PREX2: variants seen among roughly 807,000 people sequenced by gnomAD.
PREX2 encodes the protein phosphatidylinositol 3,4,5-trisphosphate-dependent Rac exchanger 2 protein.
A neutral mutation model predicts 203.2 loss-of-function variants in PREX2; 107 were observed. The observed-to-expected ratio is 0.53, with a 90% confidence interval of 0.45 to 0.62. The LOEUF (loss-of-function observed/expected upper bound fraction) is 0.62. PREX2 is among the 20% of genes least tolerant of loss of function. PREX2 has a pLI of 0.00. For missense variants in PREX2, 1,777 were observed against 1,955.9 expected (o/e 0.91, Z 1.72); for synonymous variants, 672 against 663.6 (o/e 1.01, Z -0.19).
chr8:68,041,694 G>A (rs1486471105), intron 7 of PREX2, among the ~76,000 whole-genome samples: 2 of 152,032 alleles, frequency 1.3e-5, no homozygotes, highest in African/African-American at 4.8e-5. Flanking sequence ...AGGAGAGGTT[G>A]TTATTTTACT....
intron 1 of PREX2, among the ~76,000 whole-genome samples, chr8:67,976,826 A>AGG (rs76790249): frequency 0.29 from 38,139 of 130,418 alleles, 6,075 homozygotes; most frequent in East Asian, 0.52. Flanking sequence ...AGACAGAGAG[A>AGG]GAGAAGCCAA....
rs557338072 is a variant in PREX2 at position 68,134,274 on chromosome 8, T to G, written c.3982T>G (p.Leu1328Val). 1.2e-6 allele frequency: 2 copies of G among 1,613,190 alleles called. No individual in the cohort carries two copies. Among genetic ancestry groups the G allele is most frequent in the Admixed American group, 1.7e-5 (1 of 59,994 alleles). ...FHFQSLLSPN[L>V]TDEQAMLEDT... ...CTTTCAGTCACTTCTGTCACCAAAC[T>G]TGGTAAGGAAATCACATGACTCCCA... Residue 1328 changes from leucine (L) to valine (V), a missense_variant and splice_region_variant, in exon 32 of 40, where the codon TTG becomes GTG. Leu to Val is a conservative substitution (Grantham distance 32, BLOSUM62 1). Coordinates refer to ENST00000288368, the MANE Select transcript of PREX2 (RefSeq NM_024870.4).
chr8:67,995,948 T>G (rs1806751137), intron 1 of PREX2, among the ~76,000 whole-genome samples: 2 of 152,230 alleles, frequency 1.3e-5, no homozygotes, highest in Non-Finnish European at 2.9e-5. Context: ...TCTTCAGCAA[T>G]GCATAAGGGT....
chr8:68,009,193 C>A (rs1031786539), intron 1 of PREX2, among the ~76,000 whole-genome samples: 43 of 152,198 alleles, frequency 2.8e-4, no homozygotes, highest in African/African-American at 1.0e-3. Flanking sequence ...ACACTGCTTA[C>A]ATTTCCTTTT....
chr8:68,025,481 G>A (rs900347848), intron 4 of PREX2, among the ~76,000 whole-genome samples: 2 of 151,988 alleles, frequency 1.3e-5, no homozygotes, highest in Admixed American at 6.6e-5. Context: ...GTGTTTATGT[G>A]TGGGGATGAT....
chr8:68,199,158 A>C (rs1048860978), intron 37 of PREX2, among the ~76,000 whole-genome samples: 6 of 152,108 alleles, frequency 3.9e-5, no homozygotes, highest in African/African-American at 7.2e-5. Context: ...ACCAGCACCC[A>C]GTTCCAGGTG....
intron 1 of PREX2, among the ~76,000 whole-genome samples, chr8:67,998,929 T>C (rs557802002): frequency 6.6e-6 from 1 of 152,332 alleles, no homozygotes; most frequent in East Asian, 1.9e-4. Flanking sequence ...CTTGACACTT[T>C]CTGGAATTTA....
intron 4 of PREX2, among the ~76,000 whole-genome samples, chr8:68,024,206 A>T (rs1363866361): frequency 6.6e-6 from 1 of 152,078 alleles, no homozygotes; most frequent in Admixed American, 6.6e-5. Context: ...TATGAATTAC[A>T]TGCATTGACA....
intron 10 of PREX2, among the ~76,000 whole-genome samples, chr8:68,060,178 T>C (rs966767854): frequency 8.5e-5 from 13 of 152,192 alleles, no homozygotes; most frequent in African/African-American, 2.7e-4. Flanking sequence ...ACCTACCACA[T>C]GGTACATGTG....
chr8:68,045,027 T>C (rs1257911685), intron 8 of PREX2, among the ~76,000 whole-genome samples: 1 of 152,122 alleles, frequency 6.6e-6, no homozygotes, highest in Non-Finnish European at 1.5e-5. Flanking sequence ...TATAGACAGG[T>C]TGTCAATTTT....
intron 37 of PREX2, among the ~76,000 whole-genome samples, chr8:68,216,994 A>C (rs894955675): frequency 6.6e-6 from 1 of 150,940 alleles, no homozygotes; most frequent in Non-Finnish European, 1.5e-5. Context: ...AATGAGAGAG[A>C]GAGAGAGAAG....
intron 38 of PREX2, chr8:68,220,349 C>T (rs1812930679): frequency 6.6e-6 from 1 of 152,120 alleles, no homozygotes; most frequent in African/African-American, 2.4e-5. Flanking sequence ...AAAAGGCTTG[C>T]AGTAGAAACT....
chr8:68,219,434 A>G (rs1372809419), intron 38 of PREX2, among the ~76,000 whole-genome samples: 1 of 152,216 alleles, frequency 6.6e-6, no homozygotes, highest in Admixed American at 6.5e-5. Context: ...TAAGTATAGT[A>G]TAATTTTAAA....
At chr8:68,068,307 G>A (rs996671374) in intron 11 of PREX2, among the ~76,000 whole-genome samples, 5 of 151,996 alleles carry the variant, frequency 3.3e-5, no homozygotes, top group African/African-American at 7.2e-5. Context: ...CATCAGTGAA[G>A]GCATCAGGTC....
At chr8:67,953,443 A>C (rs1275777462) in intron 1 of PREX2, among the ~76,000 whole-genome samples, 1 of 152,170 alleles carries the variant, frequency 6.6e-6, no homozygotes, top group Non-Finnish European at 1.5e-5. Context: ...AAGACAAAGA[A>C]TTTGAGCCTT....
intron 37 of PREX2, among the ~76,000 whole-genome samples, chr8:68,207,677 A>G (rs1004227509): frequency 2.0e-5 from 3 of 152,108 alleles, no homozygotes; most frequent in African/African-American, 7.2e-5. Context: ...AATCCTGAAA[A>G]CAACACTGTG....
intron 37 of PREX2, among the ~76,000 whole-genome samples, chr8:68,212,325 G>C (rs1812756107): frequency 6.6e-6 from 1 of 152,096 alleles, no homozygotes; most frequent in Non-Finnish European, 1.5e-5. Flanking sequence ...ATTCCCACCT[G>C]ATATTATTCA....
chr8:68,212,904 G>A (rs1812766956), intron 37 of PREX2, among the ~76,000 whole-genome samples: 2 of 152,164 alleles, frequency 1.3e-5, no homozygotes, highest in Admixed American at 1.3e-4. Context: ...ATAAATTTGA[G>A]AGAATATGCC....
At chr8:68,159,298 T>A (rs1811607632) in intron 35 of PREX2, among the ~76,000 whole-genome samples, 1 of 152,198 alleles carries the variant, frequency 6.6e-6, no homozygotes, top group South Asian at 2.1e-4. Context: ...CAAAGACAAA[T>A]CTTAGTTGAA....
Sources: gnomAD v4.1 joint callset for allele counts (sites outside exome capture counted in the v4.1 genomes callset) on GRCh38, gnomAD v4.1.1 for gene constraint, MANE v1.5 for transcripts, NCBI Gene and HGNC (gene_info 2026-07-23, HGNC 2026-07-21) for gene names.